STXBP5L: variants seen among roughly 807,000 people sequenced by gnomAD.
The protein encoded by STXBP5L is syntaxin binding protein 5L.
STXBP5L carries 65 observed loss-of-function variants against 144.5 expected under a neutral mutation model. That is an observed-to-expected ratio of 0.45 (90% CI 0.37 to 0.55). The LOEUF (loss-of-function observed/expected upper bound fraction) is 0.55. Among genes scored for constraint, STXBP5L ranks in the 20% least tolerant of loss-of-function variants. STXBP5L has a pLI of 0.00. For synonymous variants in STXBP5L, 505 were observed against 469.6 expected (o/e 1.08, Z -0.97); for missense variants, 1,298 against 1,405.5 (o/e 0.92, Z 1.22).
intron 19 of STXBP5L, among the ~76,000 whole-genome samples, chr3:121,317,862 A>G (rs952086335): frequency 3.3e-5 from 5 of 152,176 alleles, no homozygotes; most frequent in African/African-American, 7.2e-5. Context: ...AGTATGTAAT[A>G]TACAATACTA....
intron 5 of STXBP5L, among the ~76,000 whole-genome samples, chr3:121,094,344 G>T (rs146907630): frequency 6.6e-6 from 1 of 152,000 alleles, no homozygotes; most frequent in Non-Finnish European, 1.5e-5. Context: ...TTTCTGTCTC[G>T]TTGATCTGTC....
In STXBP5L at chr3:121,384,534, C is replaced by T. The variant is rs192178240; in HGVS notation, c.2587+3002C>T. 3.1e-3 allele frequency among the ~76,000 whole-genome samples: 479 copies of T among 152,090 alleles called. 8 individuals are homozygous for T. Among genetic ancestry groups the T allele is most frequent in the African/African-American group, 0.011 (456 of 41,522 alleles). On this transcript the variant is annotated intron_variant, in intron 22 of 26. Transcript: ENST00000471454. ...TTTTTTTGAAAGACTAAAGTCAGTACAGTGTGAGTAAAAATCTAGAAGTAA... is the reference window on the plus strand; with the variant it reads ...TTTTTTTGAAAGACTAAAGTCAGTATAGTGTGAGTAAAAATCTAGAAGTAA...
chr3:121,219,334 G>A (rs2048903954), intron 10 of STXBP5L, among the ~76,000 whole-genome samples: 1 of 151,942 alleles, frequency 6.6e-6, no homozygotes, highest in Admixed American at 6.6e-5. Context: ...TTATAAGTCA[G>A]GATGGCTGTC....
intron 5 of STXBP5L, among the ~76,000 whole-genome samples, chr3:121,062,412 G>A (rs2041329146): frequency 6.6e-6 from 1 of 152,158 alleles, no homozygotes; most frequent in African/African-American, 2.4e-5. Context: ...TTTCTCAGTG[G>A]CTGAAGGAAA....
At chr3:121,060,290 G>A (rs1029956734) in intron 5 of STXBP5L, among the ~76,000 whole-genome samples, 3 of 152,168 alleles carry the variant, frequency 2.0e-5, no homozygotes, top group Non-Finnish European at 4.4e-5. Context: ...ATTTGCATAT[G>A]TTGAACCGGC....
chr3:121,050,911 CA>C (rs1204288900), intron 5 of STXBP5L, among the ~76,000 whole-genome samples: 1 of 151,100 alleles, frequency 6.6e-6, no homozygotes, highest in Non-Finnish European at 1.5e-5. Flanking sequence ...AAATGGAAAA[CA>C]AAAAAAAGCA....
chr3:121,004,157 T>C (rs577319193), intron 3 of STXBP5L, among the ~76,000 whole-genome samples: 53 of 152,250 alleles, frequency 3.5e-4, no homozygotes, highest in Admixed American at 1.4e-3. Flanking sequence ...GCCATTTTCA[T>C]GATATTGATT....
intron 5 of STXBP5L, among the ~76,000 whole-genome samples, chr3:121,100,192 A>G (rs2043343409): frequency 6.6e-6 from 1 of 152,178 alleles, no homozygotes; most frequent in Non-Finnish European, 1.5e-5. Context: ...CAGATGCTTG[A>G]GGCAGAAAAC....
chr3:121,364,549 C>A (rs1028880495), intron 20 of STXBP5L, among the ~76,000 whole-genome samples: 1 of 150,926 alleles, frequency 6.6e-6, no homozygotes, highest in African/African-American at 2.4e-5. Flanking sequence ...TTTATATTGA[C>A]ATCTTAACAA....
At chr3:120,990,248 A>T (rs1470065935) in intron 3 of STXBP5L, among the ~76,000 whole-genome samples, 2 of 152,182 alleles carry the variant, frequency 1.3e-5, no homozygotes, top group African/African-American at 4.8e-5. Flanking sequence ...TCCAACTTAC[A>T]AGGGACGTGA....
chr3:121,401,769 A>G (rs1299053746), intron 22 of STXBP5L, among the ~76,000 whole-genome samples: 1 of 125,246 alleles, frequency 8.0e-6, no homozygotes, highest in Non-Finnish European at 1.7e-5. Flanking sequence ...GGGGAGGGAT[A>G]GCATTGGGAG....
chr3:121,005,063 C>G (rs909497233), intron 3 of STXBP5L, among the ~76,000 whole-genome samples: 3 of 152,248 alleles, frequency 2.0e-5, no homozygotes, highest in East Asian at 3.9e-4. Flanking sequence ...ATGCTGGCTT[C>G]ATAAAATGAG....
At chr3:121,090,214 G>C (rs1345636426) in intron 5 of STXBP5L, among the ~76,000 whole-genome samples, 2 of 151,990 alleles carry the variant, frequency 1.3e-5, no homozygotes, top group African/African-American at 2.4e-5. Context: ...ATTTGACATT[G>C]GTCTGGCAGG....
intron 3 of STXBP5L, among the ~76,000 whole-genome samples, chr3:121,035,188 C>T (rs932601480): frequency 2.0e-5 from 3 of 152,058 alleles, no homozygotes; most frequent in African/African-American, 7.2e-5. Flanking sequence ...TGATTGTTTC[C>T]TTTGTTGTCA....
intron 20 of STXBP5L, among the ~76,000 whole-genome samples, chr3:121,348,796 C>T (rs576432426): frequency 1.5e-4 from 23 of 151,884 alleles, no homozygotes; most frequent in South Asian, 4.2e-4. Context: ...GTGGGATCGG[C>T]GGTGATATCC....
intron 20 of STXBP5L, among the ~76,000 whole-genome samples, chr3:121,319,729 A>C (rs922780725): frequency 6.6e-6 from 1 of 152,204 alleles, no homozygotes; most frequent in Non-Finnish European, 1.5e-5. Context: ...TATTCTTAAA[A>C]TATTACTTTG....
intron 3 of STXBP5L, among the ~76,000 whole-genome samples, chr3:120,998,046 A>T (rs1943488680): frequency 6.6e-6 from 1 of 152,196 alleles, no homozygotes; most frequent in East Asian, 1.9e-4. Context: ...TTCATGTTAA[A>T]AACCCTCAAC....
At chr3:120,979,415 G>A (rs1348227240) in intron 3 of STXBP5L, among the ~76,000 whole-genome samples, 1 of 152,166 alleles carries the variant, frequency 6.6e-6, no homozygotes, top group Admixed American at 6.6e-5. Context: ...GCAGTATTAG[G>A]GTGGGCGTGA....
intron 2 of STXBP5L, among the ~76,000 whole-genome samples, chr3:120,922,286 A>T (rs9819192): frequency 0.099 from 15,105 of 151,980 alleles, 1,183 homozygotes; most frequent in Admixed American, 0.2. Context: ...GCGCATGTAA[A>T]TGCTCCTGAT....
Sources: allele counts gnomAD v4.1 joint callset (sites outside exome capture counted in the v4.1 genomes callset), GRCh38; gene constraint gnomAD v4.1.1; transcripts MANE v1.5; gene names NCBI Gene and HGNC (gene_info 2026-07-23, HGNC 2026-07-21).